The following SFMBT2 variants were observed in gnomAD, a reference collection of about 807,000 sequenced individuals.
SFMBT2 encodes the protein scm-like with four MBT domains protein 2.
Under a neutral mutation model 110.1 loss-of-function variants are expected in SFMBT2, and 38 were observed. The ratio of observed to expected loss-of-function variants is 0.35; its 90% CI spans 0.27 to 0.45. The LOEUF is 0.45. Among genes scored for constraint, SFMBT2 ranks in the 20% least tolerant of loss-of-function variants. SFMBT2 has a pLI of 1.00. For synonymous variants in SFMBT2, 425 were observed against 425.4 expected (o/e 1.00, Z 0.01); for missense variants, 1,011 against 1,094.9 (o/e 0.92, Z 1.08).
chr10:7,196,845 T>C (rs1838785451), intron 15 of SFMBT2, among the ~76,000 whole-genome samples: 1 of 152,350 alleles, frequency 6.6e-6, no homozygotes, highest in South Asian at 2.1e-4. Flanking sequence ...ATTTCCAATC[T>C]GTCTCCAAGC....
At chr10:7,204,837 C>A (rs542771465) in intron 12 of SFMBT2, 2 of 576,480 alleles carry the variant, frequency 3.5e-6, no homozygotes, top group African/African-American at 4.1e-5. Context: ...AGCGCCATTG[C>A]ACTCCAGCCT....
chr10:7,368,223 TA>T, intron 3 of SFMBT2: 1 of 559,516 alleles, frequency 1.8e-6, no homozygotes. Context: ...ATAAAGCCTC[TA>T]AAACCTGGTG....
chr10:7,194,157 C>T (rs1320516160), intron 15 of SFMBT2, among the ~76,000 whole-genome samples: 2 of 152,164 alleles, frequency 1.3e-5, no homozygotes, highest in Non-Finnish European at 2.9e-5. Flanking sequence ...TCTGAGTTTG[C>T]TTATGGGGTA....
At chr10:7,372,842 C>T (rs1845099007) in intron 2 of SFMBT2, among the ~76,000 whole-genome samples, 1 of 152,238 alleles carries the variant, frequency 6.6e-6, no homozygotes, top group Non-Finnish European at 1.5e-5. Context: ...GAGCTTCTTT[C>T]CATCCTCCTT....
chr10:7,251,055 G>C (rs1289234881), intron 7 of SFMBT2, among the ~76,000 whole-genome samples: 1 of 151,816 alleles, frequency 6.6e-6, no homozygotes, highest in Non-Finnish European at 1.5e-5. Context: ...AAATATTTAA[G>C]GTGATATGTA....
At chr10:7,369,050 G>A (rs773464194) in intron 3 of SFMBT2, among the ~76,000 whole-genome samples, 7 of 152,160 alleles carry the variant, frequency 4.6e-5, no homozygotes, top group African/African-American at 7.2e-5. Context: ...GAATCAAATC[G>A]GGCATGGTGA....
At chr10:7,243,536 C>G (rs769849195) in intron 9 of SFMBT2, 22 bp downstream of exon 9, 3 of 871,802 alleles carry the variant, frequency 3.4e-6, no homozygotes, top group Non-Finnish European at 4.0e-6. Context: ...CCAGACCCTG[C>G]ATACCTTCAC....
intron 4 of SFMBT2, among the ~76,000 whole-genome samples, chr10:7,289,368 A>C (rs1187262576): frequency 6.6e-6 from 1 of 152,212 alleles, no homozygotes; most frequent in African/African-American, 2.4e-5. Flanking sequence ...GTTAAGTGAA[A>C]ATTTTTAAAA....
At chr10:7,407,846 T>A (rs528066562) in intron 1 of SFMBT2, among the ~76,000 whole-genome samples, 1 of 152,074 alleles carries the variant, frequency 6.6e-6, no homozygotes, top group South Asian at 2.1e-4. Flanking sequence ...ATGGTCCCCA[T>A]CCGCGTCCCC....
At chr10:7,198,882 A>G (rs1415079420) in intron 14 of SFMBT2, among the ~76,000 whole-genome samples, 1 of 152,132 alleles carries the variant, frequency 6.6e-6, no homozygotes, top group Non-Finnish European at 1.5e-5. Flanking sequence ...CTCTACTAAA[A>G]ATACAAAAAT....
At chr10:7,219,981 C>T (rs1839671987) in intron 11 of SFMBT2, among the ~76,000 whole-genome samples, 1 of 152,136 alleles carries the variant, frequency 6.6e-6, no homozygotes, top group South Asian at 2.1e-4. Context: ...AGTCATCCTC[C>T]AGGTACTATT....
intron 1 of SFMBT2, among the ~76,000 whole-genome samples, chr10:7,398,641 A>T (rs2132119158): frequency 6.6e-6 from 1 of 152,234 alleles, no homozygotes; most frequent in Admixed American, 6.5e-5. Flanking sequence ...TTTAAAATGC[A>T]GCAGTTTTAG....
At chr10:7,294,415 T>C (rs969480347) in intron 4 of SFMBT2, among the ~76,000 whole-genome samples, 28 of 152,326 alleles carry the variant, frequency 1.8e-4, no homozygotes, top group African/African-American at 6.0e-4. Context: ...CCACCTTGCA[T>C]TGTACAAGTA....
intron 2 of SFMBT2, chr10:7,370,917 C>T (rs11255094): frequency 0.21 from 77,514 of 373,880 alleles, 8,988 homozygotes; most frequent in South Asian, 0.42. Context: ...CAACACAAAC[C>T]GACCAGCTGC....
intron 1 of SFMBT2, among the ~76,000 whole-genome samples, chr10:7,410,528 G>T (rs888648085): frequency 2.0e-5 from 3 of 152,172 alleles, no homozygotes; most frequent in African/African-American, 7.2e-5. Flanking sequence ...ACGGACTCCC[G>T]CACGGCTCGG....
rs779306838 is a variant in SFMBT2, at chr10:7,367,822, G to A, written c.263C>T (p.Pro88Leu). 47 of 1,614,010 alleles carry A rather than the reference G, an allele frequency of 2.9e-5. No individual in the cohort carries two copies. The highest frequency in any genetic ancestry group is 6.7e-5 in the Admixed American group (4 of 59,992). The change falls in exon 4 of 21, where the codon CCG (proline) becomes CTG (leucine). Residue 88 changes from proline to leucine, a missense_variant. Pro to Leu is a moderately conservative substitution (Grantham distance 98). This residue lies in a region of SFMBT2 where 979 missense variants were observed against 1,016.1 expected (regional missense o/e 0.96). Transcript: ENST00000397167. This position sits in a 1 kb window ranked among gnomAD's most constrained non-coding sequence, Gnocchi z 6.2. ...GATCGTGGCCACCCAGTACGTGTCCGGGTTGTTCTTATTAGCCACTTCCAA... is the reference window on the plus strand; with the variant it reads ...GATCGTGGCCACCCAGTACGTGTCCAGGTTGTTCTTATTAGCCACTTCCAA... ...MKLEVANKNN[P>L]DTYWVATIIT... is the part of the protein sequence containing the mutation.
At chr10:7,354,107 T>C (rs1456081122) in intron 4 of SFMBT2, among the ~76,000 whole-genome samples, 1 of 149,730 alleles carries the variant, frequency 6.7e-6, no homozygotes, top group Non-Finnish European at 1.5e-5. Context: ...AAAATATAAA[T>C]AAAACAAAAA....
chr10:7,389,233 T>C (rs11255103), intron 1 of SFMBT2, among the ~76,000 whole-genome samples: 2,480 of 152,214 alleles, frequency 0.016, 68 homozygotes, highest in African/African-American at 0.054. Context: ...CAATGGGATG[T>C]TTTTGGGGGG....
At chr10:7,240,198 T>C (rs528181722) in intron 9 of SFMBT2, among the ~76,000 whole-genome samples, 1 of 152,336 alleles carries the variant, frequency 6.6e-6, no homozygotes, top group South Asian at 2.1e-4. Flanking sequence ...ATTATTCTCA[T>C]TATTTTCTTA....
Sources: allele counts gnomAD v4.1 joint callset (sites outside exome capture counted in the v4.1 genomes callset), GRCh38; gene constraint gnomAD v4.1.1; regional missense constraint gnomAD v4.1.1; non-coding constraint Gnocchi (gnomAD v3.1); transcripts MANE v1.5; gene names NCBI Gene and HGNC (gene_info 2026-07-23, HGNC 2026-07-21).